PPP4R4: variants seen among roughly 807,000 people sequenced by gnomAD.
PPP4R4 encodes protein phosphatase 4 regulatory subunit 4.
A neutral mutation model predicts 121.8 loss-of-function variants in PPP4R4; 70 were observed. That is an observed-to-expected ratio of 0.57 (90% CI 0.47 to 0.70). The LOEUF (loss-of-function observed/expected upper bound fraction) is 0.70. PPP4R4 is among the 30% of genes least tolerant of loss of function. The pLI is 0.00. For missense variants in PPP4R4, 875 were observed against 1,033.6 expected, an observed-to-expected ratio of 0.85 and a Z score of 2.10; for synonymous variants, 348 against 355.7, an observed-to-expected ratio of 0.98 and a Z score of 0.24.
intron 21 of PPP4R4, 137 bp downstream of exon 21, chr14:94,265,610 A>C: frequency 3.4e-6 from 3 of 870,904 alleles, no homozygotes; most frequent in South Asian, 3.4e-5. Context: ...TTCTATCATT[A>C]GGTGTTTTGG....
At chr14:94,215,078 C>T (rs1890951098) in intron 3 of PPP4R4, among the ~76,000 whole-genome samples, 1 of 152,092 alleles carries the variant, frequency 6.6e-6, no homozygotes, top group South Asian at 2.1e-4. Flanking sequence ...CTTCTGGTTA[C>T]AAGCATTTGG....
Position 94,266,970 on chromosome 14 carries a change from C to T in PPP4R4, c.2390C>T (p.Thr797Ile). 1 of 1,583,374 alleles carries T rather than the reference C, an allele frequency of 6.3e-7. No individual in the cohort carries two copies. Among genetic ancestry groups the T allele is most frequent in the South Asian group, 1.1e-5 (1 of 89,350 alleles). ...ATGTTGTTTTCTAGTAAAAGTTCTA[C>T]AACAGGATATACAACTTCTGTCTCA... is the stretch of plus-strand genomic sequence containing the variant. ...NLEKCASKSS[T>I]TGYTTSVSGL... Residue 797 changes from threonine (T) to isoleucine (I), a missense_variant, in exon 23 of 25, where the codon ACA becomes ATA. Thr to Ile is a moderately conservative substitution (Grantham distance 89). Transcript: ENST00000304338.
chr14:94,218,522 C>T (rs1458281613), intron 3 of PPP4R4, among the ~76,000 whole-genome samples: 2 of 90,900 alleles, frequency 2.2e-5, no homozygotes, highest in Non-Finnish European at 4.2e-5. Context: ...ACACACACCC[C>T]CCTCACCTCT....
intron 6 of PPP4R4, 31 bp from the exon 7 acceptor site, chr14:94,234,531 A>G (rs771877036): frequency 1.4e-5 from 18 of 1,319,516 alleles, no homozygotes; most frequent in Non-Finnish European, 1.9e-5. Context: ...ACACTCATTC[A>G]TTTGCATGTT....
At chr14:94,271,013 A>G (rs531805344) in intron 23 of PPP4R4, among the ~76,000 whole-genome samples, 1 of 152,280 alleles carries the variant, frequency 6.6e-6, no homozygotes, top group Admixed American at 6.5e-5. Context: ...TATCTATTAA[A>G]GAAATTGAAT....
rs1385055646 is a variant in PPP4R4, at chr14:94,275,365, T to C, written c.2450-9T>C. On this transcript the variant is annotated splice_polypyrimidine_tract_variant and intron_variant, in intron 23 of 24. Transcript: ENST00000304338. ...TTGGTATGTCTGACTTTATATGTAT[T>C]GCTTTCAGATGATTCATTCCGGACT... 1 of 1,613,592 alleles carries C rather than the reference T, an allele frequency of 6.2e-7. No homozygotes were observed. Among genetic ancestry groups the C allele is most frequent in the Admixed American group, 1.7e-5 (1 of 60,012 alleles).
chr14:94,201,002 T>C lies in PPP4R4; in HGVS notation c.192-7462T>C, dbSNP rs1198144056. Among the ~76,000 whole-genome samples the C allele has an allele frequency of 3.3e-5, 5 of 152,314 alleles. No homozygotes were observed. In the East Asian group the frequency reaches 9.6e-4, roughly 29 times the overall value. The stretch of plus-strand genomic sequence containing the variant: ...TCCTCTTAGCACCGCTTTTGCTCTA[T>C]CCCAGTGATTTTGGTAAGTTGTGTC... On this transcript the variant is annotated intron_variant, in intron 2 of 24. Coordinates refer to ENST00000304338, the MANE Select transcript of PPP4R4 (RefSeq NM_058237.2).
intron 2 of PPP4R4, among the ~76,000 whole-genome samples, chr14:94,180,799 T>G (rs555544492): frequency 2.0e-4 from 31 of 152,060 alleles, no homozygotes; most frequent in Admixed American, 1.8e-3. Context: ...GATCATAAAG[T>G]GCATCTTTAT....
chr14:94,176,109 G>T lies in PPP4R4; in HGVS notation c.173G>T (p.Arg58Met). 6.2e-7 allele frequency: 1 copy of T among 1,611,816 alleles called. No individual in the cohort carries two copies. The highest frequency in any genetic ancestry group is 8.5e-7 in the Non-Finnish European group (1 of 1,177,892). Residue 58 changes from arginine (R) to methionine (M), a missense_variant, in exon 2 of 25, where the codon AGG (arginine) becomes ATG (methionine). By Grantham distance (91) the Arg-to-Met change is moderately conservative. Transcript: ENST00000304338. ...GATGAAGACCTCAGTGATATTGAAA[G>T]GGCTGTTTATCTGCTCAGGTATTTC... ...TVDEDLSDIE[R>M]AVYLLSAGQD...
intron 2 of PPP4R4, among the ~76,000 whole-genome samples, chr14:94,203,903 T>G (rs1890323621): frequency 6.6e-6 from 1 of 152,214 alleles, no homozygotes; most frequent in South Asian, 2.1e-4. Context: ...TTATTACTAT[T>G]GAGTTTTGAG....
chr14:94,221,102 AGTTT>A (rs1243779619), intron 3 of PPP4R4, among the ~76,000 whole-genome samples: 3 of 152,166 alleles, frequency 2.0e-5, no homozygotes, highest in Non-Finnish European at 2.9e-5. Context: ...ACAAATTGTC[AGTTT>A]GTTTTTGACA....
chr14:94,244,113 A>G (rs534379925), intron 11 of PPP4R4, among the ~76,000 whole-genome samples: 2 of 152,248 alleles, frequency 1.3e-5, no homozygotes, highest in East Asian at 3.9e-4. Flanking sequence ...TACAAGGGGA[A>G]CTGTATTATT....
chr14:94,204,145 AC>A (rs1296527814), intron 2 of PPP4R4, among the ~76,000 whole-genome samples: 2 of 152,216 alleles, frequency 1.3e-5, no homozygotes, highest in Admixed American at 1.3e-4. Context: ...GTTTTTCCTG[AC>A]AGGTCTATTG....
chr14:94,234,425 C>T, intron 6 of PPP4R4, 137 bp from the exon 7 acceptor site: 10 of 604,668 alleles, frequency 1.7e-5, no homozygotes, highest in Non-Finnish European at 2.8e-5. Flanking sequence ...TGTAAAATAC[C>T]TTGTAAACTA....
At chr14:94,247,143 C>T (rs1437926764) in intron 14 of PPP4R4, among the ~76,000 whole-genome samples, 1 of 152,242 alleles carries the variant, frequency 6.6e-6, no homozygotes, top group East Asian at 1.9e-4. Flanking sequence ...AGTTAATTGT[C>T]TACTTTTTTC....
At chr14:94,265,542 C>G (rs1221701450) in intron 21 of PPP4R4, 69 bp downstream of exon 21, 10 of 1,342,450 alleles carry the variant, frequency 7.4e-6, no homozygotes, top group Non-Finnish European at 1.1e-5. Flanking sequence ...CTGGGAAAGT[C>G]ACTCTATTAG....
At chr14:94,235,388 CTTTTTTTTTTTT>C (rs34881107) in intron 7 of PPP4R4, among the ~76,000 whole-genome samples, 1,263 of 50,832 alleles carry the variant, frequency 0.025, 17 homozygotes, top group South Asian at 0.073. Context: ...TCTCCTTGTT[CTTTTTTTTTTTT>C]TTTTTTTTTT....
chr14:94,219,181 G>A (rs547152390), intron 3 of PPP4R4, among the ~76,000 whole-genome samples: 1 of 147,228 alleles, frequency 6.8e-6, no homozygotes, highest in South Asian at 2.1e-4. Flanking sequence ...CCGGGTTCAA[G>A]CGATTCTCCT....
chr14:94,256,713 C>A, intron 17 of PPP4R4, 109 bp downstream of exon 17: 2 of 1,149,570 alleles, frequency 1.7e-6, no homozygotes, highest in East Asian at 2.7e-5. Flanking sequence ...ATATTTTTAT[C>A]CTTGCTAAAA....
Sources: gnomAD v4.1 joint callset for allele counts (sites outside exome capture counted in the v4.1 genomes callset) on GRCh38, gnomAD v4.1.1 for gene constraint, MANE v1.5 for transcripts, NCBI Gene and HGNC (gene_info 2026-07-23, HGNC 2026-07-21) for gene names.